PTBP3: variants seen among roughly 807,000 people sequenced by gnomAD.
The protein encoded by PTBP3 is polypyrimidine tract-binding protein 3.
PTBP3 carries 20 observed loss-of-function variants against 58.7 expected under a neutral mutation model. The observed-to-expected ratio is 0.34, with a 90% CI of 0.24 to 0.50. The LOEUF is 0.50. PTBP3 is among the 20% of genes least tolerant of loss of function. The pLI is 0.98. For synonymous variants in PTBP3, 185 were observed against 219.8 expected (o/e 0.84, Z 1.40); for missense variants, 509 against 637.2 (o/e 0.80, Z 2.17).
the PTBP3 span, among the ~76,000 whole-genome samples, chr9:112,356,593 A>AAG: frequency 6.6e-6 from 1 of 150,864 alleles, no homozygotes; most frequent in Non-Finnish European, 1.5e-5. Context: ...AAAAAAAAAA[A>AAG]TGGTGAAATA....
rs574358694 is a variant in PTBP3, at chr9:112,223,293, C to T, written c.*558G>A. The T allele has an allele frequency of 3.1e-6, 3 of 959,924 alleles. No homozygotes were observed. The South Asian group carries it at 1.4e-4, about 46-fold the overall frequency. The allele number at this position is 959,924 out of a possible 1,614,324, so 59.5% of individuals were successfully genotyped here. ...GAAAACATGCAGGTTTATAAATCTGCTTCCAACACAACTCAATGTGTTTAT... is the reference window on the plus strand; with the variant it reads ...GAAAACATGCAGGTTTATAAATCTGTTTCCAACACAACTCAATGTGTTTAT... On this transcript the variant is annotated 3_prime_UTR_variant, in exon 14 of 14. Transcript: ENST00000374257.
intron 8 of PTBP3, among the ~76,000 whole-genome samples, chr9:112,233,597 A>G (rs1314626598): frequency 1.3e-5 from 2 of 152,088 alleles, no homozygotes; most frequent in African/African-American, 4.8e-5. Context: ...CTCAACCTTC[A>G]TATCACTCTT....
chr9:112,247,303 TAAATAAATAAC>T (rs1374217695), intron 7 of PTBP3, among the ~76,000 whole-genome samples: 2 of 144,140 alleles, frequency 1.4e-5, no homozygotes, highest in Non-Finnish European at 3.0e-5. Flanking sequence ...AATAAATAAA[TAAATAAATAAC>T]AATAGTTATG....
chr9:112,337,253 C>G (rs1321417360), upstream of PTBP3, among the ~76,000 whole-genome samples: 1 of 152,210 alleles, frequency 6.6e-6, no homozygotes, highest in Non-Finnish European at 1.5e-5. Context: ...TGGTCTCAAA[C>G]TCCTGGCCTC....
At chr9:112,290,686 AAATATATAT>A (rs1418331753) in intron 2 of PTBP3, among the ~76,000 whole-genome samples, 2 of 59,872 alleles carry the variant, frequency 3.3e-5, no homozygotes, top group Non-Finnish European at 3.0e-5. Flanking sequence ...AAAAAAAAAA[AAATATATAT>A]ATATATATAT....
intron 5 of PTBP3, among the ~76,000 whole-genome samples, chr9:112,257,840 T>C (rs1439830519): frequency 2.7e-5 from 4 of 150,900 alleles, no homozygotes; most frequent in Non-Finnish European, 5.9e-5. Context: ...CTCAGAAGGC[T>C]GAGGCAGGAG....
the PTBP3 span, among the ~76,000 whole-genome samples, chr9:112,349,418 T>C: frequency 6.6e-6 from 1 of 152,142 alleles, no homozygotes; most frequent in African/African-American, 2.4e-5. Flanking sequence ...CAGCAAACTA[T>C]CTAACCTGAA....
the PTBP3 span, chr9:112,362,925 C>T: frequency 2.5e-5 from 7 of 276,750 alleles, no homozygotes; most frequent in East Asian, 2.0e-4. Context: ...TGCTGCCCAG[C>T]GGCTTCTGGA....
At chr9:112,363,812 T>A in the PTBP3 span, among the ~76,000 whole-genome samples, 1 of 152,294 alleles carries the variant, frequency 6.6e-6, no homozygotes, top group South Asian at 2.1e-4. Flanking sequence ...CCAGTTGGTA[T>A]GGTAAATTTG....
chr9:112,244,288 T>TTAAAAAAAAAAAAA (rs1439248076), intron 7 of PTBP3, among the ~76,000 whole-genome samples: 1 of 5,866 alleles, frequency 1.7e-4, no homozygotes, highest in Non-Finnish European at 2.8e-4. Context: ...AGACTCTGTC[T>TTAAAAAAAAAAAAA]CAAAAAAAAA....
intron 5 of PTBP3, among the ~76,000 whole-genome samples, chr9:112,259,752 C>T (rs772410889): frequency 1.3e-5 from 2 of 152,138 alleles, no homozygotes; most frequent in African/African-American, 2.4e-5. Flanking sequence ...TAAAATAATT[C>T]GTTAAATAGT....
At position 112,306,607 on chromosome 9, in the gene PTBP3, TTTGTTTGTTTGTTTGTTTG is replaced by T. The variant is rs1564450949; in HGVS notation, c.-51-8710_-51-8692del. Among the ~76,000 whole-genome samples, 74 of 50,564 alleles carry T rather than the reference TTTGTTTGTTTGTTTGTTTG, an allele frequency of 1.5e-3. 1 individual carries two copies. Among genetic ancestry groups the T allele is most frequent in the African/African-American group, 4.1e-3 (58 of 14,076 alleles). The allele number at this position is 50,564 out of a possible 152,430, so 33.2% of individuals were successfully genotyped here. ...ATTTGTATATATATATATATATATTTTTGTTTGTTTGTTTGTTTGTTTGTTTTGAGACAGAGTCTTGCTC... is the reference window on the plus strand; with the variant it reads ...ATTTGTATATATATATATATATATTTTTTGTTTTGAGACAGAGTCTTGCTC... On this transcript the variant is annotated intron_variant, in intron 1 of 13. Coordinates refer to ENST00000374257, the MANE Select transcript of PTBP3 (RefSeq NM_001163788.4).
At chr9:112,330,109 C>T (rs1830309770) in intron 1 of PTBP3, among the ~76,000 whole-genome samples, 1 of 152,156 alleles carries the variant, frequency 6.6e-6, no homozygotes. Flanking sequence ...ACCTCTCAGC[C>T]TCCCAAACTG....
Position 112,223,752 on chromosome 9 carries a change from T to C in PTBP3, c.*99A>G. ...TTGAATATCAAACTCAGAGTTATTTTTGTGAAAGAGGCAAAATTGGTCTTG... is the reference window on the plus strand; with the variant it reads ...TTGAATATCAAACTCAGAGTTATTTCTGTGAAAGAGGCAAAATTGGTCTTG... On this transcript the variant is annotated 3_prime_UTR_variant, in exon 14 of 14. Transcript: ENST00000374257. The C allele has an allele frequency of 6.7e-7, 1 of 1,500,590 alleles. No individual in the cohort carries two copies. Among genetic ancestry groups the C allele is most frequent in the Non-Finnish European group, 8.9e-7 (1 of 1,123,912 alleles). 93.0% of individuals were successfully genotyped at this position (1,500,590 alleles called of 1,614,324 possible).
intron 2 of PTBP3, among the ~76,000 whole-genome samples, chr9:112,287,432 G>A (rs564426618): frequency 3.8e-5 from 5 of 131,764 alleles, no homozygotes; most frequent in South Asian, 5.2e-4. Flanking sequence ...CTCCGCCCCC[G>A]GGGGTTCAAG....
intron 3 of PTBP3, among the ~76,000 whole-genome samples, chr9:112,273,218 G>A (rs933827078): frequency 2.0e-5 from 3 of 152,214 alleles, no homozygotes; most frequent in East Asian, 1.9e-4. Flanking sequence ...AAAATTGCAC[G>A]ATCTTAAAAG....
upstream of PTBP3, among the ~76,000 whole-genome samples, chr9:112,336,655 GTCTC>G (rs148503820): frequency 2.0e-5 from 3 of 151,858 alleles, no homozygotes; most frequent in Non-Finnish European, 4.4e-5. Flanking sequence ...TTAAAGTTAT[GTCTC>G]TCTTACCCTT....
intron 7 of PTBP3, among the ~76,000 whole-genome samples, chr9:112,244,651 C>T (rs943470522): frequency 7.2e-5 from 11 of 151,914 alleles, no homozygotes; most frequent in Admixed American, 5.3e-4. Context: ...GCACTTCAGC[C>T]TAGGCGACTG....
intron 1 of PTBP3, chr9:112,333,122 T>C (rs1020675668): frequency 8.0e-7 from 1 of 1,252,536 alleles, no homozygotes. Context: ...AGAGGAAGTG[T>C]CGGGAGGCCG....
Sources: gnomAD v4.1 joint callset for allele counts (sites outside exome capture counted in the v4.1 genomes callset) on GRCh38, gnomAD v4.1.1 for gene constraint, MANE v1.5 for transcripts, NCBI Gene and HGNC (gene_info 2026-07-23, HGNC 2026-07-21) for gene names.